The following EXOC6B variants were observed in gnomAD, a reference collection of about 807,000 sequenced individuals.
EXOC6B encodes SEC15 homolog B.
A neutral mutation model predicts 113.5 loss-of-function variants in EXOC6B; 54 were observed. That is an observed-to-expected ratio of 0.48 (90% CI 0.38 to 0.60). The LOEUF is 0.60. Ranked by LOEUF, EXOC6B falls within the 20% of genes least tolerant of loss-of-function variation. EXOC6B has a pLI of 0.00. For synonymous variants in EXOC6B, 357 were observed against 339.0 expected (o/e 1.05, Z -0.58); for missense variants, 797 against 977.5 (o/e 0.82, Z 2.46).
At chr2:72,313,797 GA>G (rs1214174029) in intron 20 of EXOC6B, among the ~76,000 whole-genome samples, 1 of 152,172 alleles carries the variant, frequency 6.6e-6, no homozygotes, top group East Asian at 1.9e-4. Context: ...ATCACATTTT[GA>G]GGAGTCAGTT....
intron 8 of EXOC6B, among the ~76,000 whole-genome samples, chr2:72,539,747 TGTGCGC>T (rs1358696900): frequency 3.8e-5 from 5 of 133,000 alleles, no homozygotes; most frequent in African/African-American, 1.1e-4. Context: ...TGTGTGTGTG[TGTGCGC>T]GCGCGCGCGC....
At chr2:72,235,090 A>G (rs1357465785) in intron 20 of EXOC6B, among the ~76,000 whole-genome samples, 1 of 152,198 alleles carries the variant, frequency 6.6e-6, no homozygotes, top group East Asian at 1.9e-4. Context: ...ATAAAGATGC[A>G]AGCATGTGTA....
At chr2:72,455,391 T>C (rs1004014003) in intron 18 of EXOC6B, among the ~76,000 whole-genome samples, 2 of 152,206 alleles carry the variant, frequency 1.3e-5, no homozygotes, top group African/African-American at 4.8e-5. Flanking sequence ...CCGGGAATTG[T>C]TCTGGTCACC....
At chr2:72,387,240 T>A (rs1009420510) in intron 18 of EXOC6B, among the ~76,000 whole-genome samples, 2 of 152,198 alleles carry the variant, frequency 1.3e-5, no homozygotes, top group African/African-American at 2.4e-5. Flanking sequence ...CATTTGATAC[T>A]ATTGTGTAGA....
intron 18 of EXOC6B, among the ~76,000 whole-genome samples, chr2:72,410,735 AT>A (rs2105220168): frequency 6.6e-6 from 1 of 152,310 alleles, no homozygotes; most frequent in Non-Finnish European, 1.5e-5. Flanking sequence ...AAATATTTAT[AT>A]TTAAGTTATA....
chr2:72,428,125 G>A lies in EXOC6B; in HGVS notation c.1980+37035C>T, dbSNP rs115895753. The stretch of plus-strand genomic sequence containing the variant: ...ACTCAGAAAAGCTCCTCTTCCTCTT[G>A]GTCACCCATCACTTGTCTGTGTACC... On this transcript the variant is annotated intron_variant, in intron 18 of 21. Coordinates refer to ENST00000272427, the MANE Select transcript of EXOC6B (RefSeq NM_015189.3). Among the ~76,000 whole-genome samples, 586 of 152,224 alleles carry A rather than the reference G, an allele frequency of 3.8e-3. 11 individuals carry two copies. Among genetic ancestry groups the A allele is most frequent in the African/African-American group, 0.014 (573 of 41,554 alleles).
At chr2:72,737,928 A>G (rs1272906544) in intron 2 of EXOC6B, among the ~76,000 whole-genome samples, 1 of 152,192 alleles carries the variant, frequency 6.6e-6, no homozygotes, top group Admixed American at 6.5e-5. Flanking sequence ...AATGTTTAGA[A>G]CAGTTCTATA....
chr2:72,572,212 G>A (rs145130140), intron 7 of EXOC6B, among the ~76,000 whole-genome samples: 54 of 152,088 alleles, frequency 3.6e-4, no homozygotes, highest in African/African-American at 1.3e-3. Context: ...GCTTTGTCAT[G>A]TTTCCATATC....
chr2:72,368,295 A>T (rs1032841431), intron 19 of EXOC6B, among the ~76,000 whole-genome samples: 19 of 151,850 alleles, frequency 1.3e-4, no homozygotes, highest in African/African-American at 3.9e-4. Context: ...ACACATACAC[A>T]CTCCCAAGAC....
chr2:72,204,949 C>T (rs1559013581), intron 20 of EXOC6B, among the ~76,000 whole-genome samples: 1 of 152,154 alleles, frequency 6.6e-6, no homozygotes, highest in Non-Finnish European at 1.5e-5. Context: ...GCTCTAGAAG[C>T]CTGCAAAGCC....
At chr2:72,668,981 G>A (rs2104485161) in intron 6 of EXOC6B, among the ~76,000 whole-genome samples, 1 of 152,208 alleles carries the variant, frequency 6.6e-6, no homozygotes, top group African/African-American at 2.4e-5. Context: ...TAGCCACTTG[G>A]GAGTCTGAAA....
At chr2:72,529,911 T>C (rs915212403) in intron 8 of EXOC6B, among the ~76,000 whole-genome samples, 1 of 152,212 alleles carries the variant, frequency 6.6e-6, no homozygotes, top group Non-Finnish European at 1.5e-5. Flanking sequence ...TTTATGTATG[T>C]AGAGTTGTTC....
At chr2:72,700,539 A>C (rs1233407508) in intron 6 of EXOC6B, among the ~76,000 whole-genome samples, 1 of 152,204 alleles carries the variant, frequency 6.6e-6, no homozygotes, top group African/African-American at 2.4e-5. Flanking sequence ...TGGGGTCGAA[A>C]TTGTATGTTT....
chr2:72,484,989 G>T (rs1380224853), intron 16 of EXOC6B, among the ~76,000 whole-genome samples: 1 of 152,138 alleles, frequency 6.6e-6, no homozygotes, highest in African/African-American at 2.4e-5. Flanking sequence ...ACCCAGTAAT[G>T]GGATTGCTGG....
chr2:72,305,781 T>C (rs1302976365), intron 20 of EXOC6B, among the ~76,000 whole-genome samples: 1 of 152,202 alleles, frequency 6.6e-6, no homozygotes, highest in African/African-American at 2.4e-5. Context: ...CAATGTATTA[T>C]TATGCTCCAA....
intron 6 of EXOC6B, among the ~76,000 whole-genome samples, chr2:72,658,267 GA>G (rs1191639899): frequency 5.5e-5 from 3 of 54,966 alleles, no homozygotes; most frequent in Non-Finnish European, 1.1e-4. Flanking sequence ...AAAACTAGGG[GA>G]AAAAAACTAA....
intron 20 of EXOC6B, among the ~76,000 whole-genome samples, chr2:72,214,781 C>G (rs939132988): frequency 3.9e-5 from 6 of 152,146 alleles, no homozygotes; most frequent in Non-Finnish European, 7.4e-5. Context: ...ATTTTATGAA[C>G]AGAAACAAAA....
intron 15 of EXOC6B, among the ~76,000 whole-genome samples, chr2:72,493,336 C>G (rs1218139038): frequency 9.2e-6 from 1 of 108,426 alleles, no homozygotes; most frequent in African/African-American, 6.1e-5. Context: ...CCCCCCCCCG[C>G]ATTTTTACAT....
intron 6 of EXOC6B, among the ~76,000 whole-genome samples, chr2:72,624,754 G>A (rs115252661): frequency 0.011 from 1,631 of 152,070 alleles, 43 homozygotes; most frequent in African/African-American, 0.038. Flanking sequence ...TCTTAAAAAC[G>A]ATAACAACAA....
Sources: gnomAD v4.1 joint callset for allele counts (sites outside exome capture counted in the v4.1 genomes callset) on GRCh38, gnomAD v4.1.1 for gene constraint, MANE v1.5 for transcripts, NCBI Gene and HGNC (gene_info 2026-07-23, HGNC 2026-07-21) for gene names.